The following ZNF277 variants were observed in gnomAD, a reference collection of about 807,000 sequenced individuals.
The protein encoded by ZNF277 is zinc finger protein 277, also known as nuclear receptor-interacting factor 4.
Under a neutral mutation model 60.7 loss-of-function variants are expected in ZNF277, and 55 were observed. That is an observed-to-expected ratio of 0.91 (90% CI 0.73 to 1.13). ZNF277 has a LOEUF of 1.13. Among genes scored for constraint, ZNF277 ranks in the 50% most tolerant of loss-of-function variants. The probability of loss-of-function intolerance (pLI) is 0.00; values close to 1 mark genes in which losing one functional copy is unlikely to be tolerated. For missense variants in ZNF277, 510 were observed against 523.0 expected (o/e 0.98, Z 0.24); for synonymous variants, 178 against 179.3 (o/e 0.99, Z 0.06).
At chr7:112,246,370 G>A (rs762761074) in intron 1 of ZNF277, among the ~76,000 whole-genome samples, 4 of 152,094 alleles carry the variant, frequency 2.6e-5, no homozygotes, top group Non-Finnish European at 5.9e-5. Context: ...CTCCAGCCTC[G>A]CGACAGAGCA....
intron 6 of ZNF277, among the ~76,000 whole-genome samples, chr7:112,329,231 G>T (rs936338916): frequency 6.6e-6 from 1 of 152,096 alleles, no homozygotes; most frequent in Admixed American, 6.5e-5. Context: ...AGTTTCCCAT[G>T]TAAAATATAT....
At chr7:112,288,513 G>C (rs1450628903) in intron 2 of ZNF277, 2 of 152,174 alleles carry the variant, frequency 1.3e-5, no homozygotes, top group Non-Finnish European at 2.9e-5. Flanking sequence ...TCCTAATCTT[G>C]TGATTTCCTG....
intron 4 of ZNF277, among the ~76,000 whole-genome samples, chr7:112,307,132 T>C (rs948663530): frequency 6.6e-6 from 1 of 152,136 alleles, no homozygotes; most frequent in African/African-American, 2.4e-5. Flanking sequence ...CTGTTCACCA[T>C]CAAAGGGCTT....
Position 112,342,623 on chromosome 7 carries a change from A to C in ZNF277, c.1247A>C (p.Asp416Ala). 6.2e-7 allele frequency: 1 copy of C among 1,613,300 alleles called. No individual in the cohort carries two copies. Among genetic ancestry groups the C allele is most frequent in the Non-Finnish European group, 8.5e-7 (1 of 1,179,864 alleles). ...TGTACACTATCTGACAGTGAAAGTG[A>C]CCTGACAGCTCAGGAACAAAATGAA... ...LLCTLSDSESDLTAQEQNENV... is the reference protein window; with the variant it reads ...LLCTLSDSESALTAQEQNENV... The change falls in exon 12 of 12, where the codon GAC becomes GCC. Residue 416 changes from aspartate (D) to alanine (A), a missense_variant. Coordinates refer to ENST00000361822, the MANE Select transcript of ZNF277 (RefSeq NM_021994.3).
At chr7:112,280,835 C>G (rs545118580) in intron 1 of ZNF277, among the ~76,000 whole-genome samples, 24 of 152,128 alleles carry the variant, frequency 1.6e-4, no homozygotes, top group Non-Finnish European at 2.2e-4. Context: ...ACCGTGTTGC[C>G]CAGGCTAGTC....
intron 1 of ZNF277, among the ~76,000 whole-genome samples, chr7:112,273,731 C>T (rs929848133): frequency 2.0e-5 from 3 of 152,034 alleles, no homozygotes; most frequent in African/African-American, 7.2e-5. Context: ...ACTCCAACCT[C>T]GGCAACAGAG....
chr7:112,256,769 G>A (rs1205490079), intron 1 of ZNF277, among the ~76,000 whole-genome samples: 1 of 152,108 alleles, frequency 6.6e-6, no homozygotes, highest in East Asian at 1.9e-4. Flanking sequence ...TAAAGCTGGG[G>A]AATGGGATAG....
At chr7:112,256,763 G>T (rs1444926091) in intron 1 of ZNF277, among the ~76,000 whole-genome samples, 1 of 152,090 alleles carries the variant, frequency 6.6e-6, no homozygotes, top group African/African-American at 2.4e-5. Flanking sequence ...ACAGTTTAAA[G>T]CTGGGGAATG....
At chr7:112,282,796 A>C (rs778310093) in intron 1 of ZNF277, among the ~76,000 whole-genome samples, 2 of 152,234 alleles carry the variant, frequency 1.3e-5, no homozygotes, top group Non-Finnish European at 2.9e-5. Flanking sequence ...AAGTGTAAGC[A>C]AGACTGGTTG....
intron 7 of ZNF277, among the ~76,000 whole-genome samples, chr7:112,333,886 A>C (rs1230229837): frequency 2.0e-5 from 3 of 152,210 alleles, no homozygotes. Flanking sequence ...TTTCACATTC[A>C]GATAACCCTT....
intron 1 of ZNF277, among the ~76,000 whole-genome samples, chr7:112,208,674 ATT>A (rs869082099): frequency 1.3e-3 from 92 of 72,790 alleles, no homozygotes; most frequent in African/African-American, 5.0e-3. Flanking sequence ...GTATGATTTG[ATT>A]TTTTTTTTTT....
chr7:112,237,015 A>G (rs1374201670), intron 1 of ZNF277, among the ~76,000 whole-genome samples: 1 of 152,174 alleles, frequency 6.6e-6, no homozygotes, highest in South Asian at 2.1e-4. Flanking sequence ...TTTGAAAATC[A>G]AGATCACATC....
intron 6 of ZNF277, among the ~76,000 whole-genome samples, chr7:112,328,035 A>G (rs1264318769): frequency 6.6e-6 from 1 of 152,234 alleles, no homozygotes; most frequent in African/African-American, 2.4e-5. Flanking sequence ...TATGTCATAT[A>G]TACCAAACAA....
intron 1 of ZNF277, among the ~76,000 whole-genome samples, chr7:112,230,290 G>A (rs569407617): frequency 2.6e-5 from 4 of 152,336 alleles, no homozygotes; most frequent in African/African-American, 9.6e-5. Flanking sequence ...CCGTACTAAT[G>A]TGAGAATGGA....
In ZNF277 at chr7:112,208,674, A is replaced by ATTTTTTTT. The variant is rs869082099; in HGVS notation, c.91+1884_91+1891dup. 6.4e-3 allele frequency among the ~76,000 whole-genome samples: 463 copies of ATTTTTTTT among 72,812 alleles called. 48 individuals are homozygous for ATTTTTTTT. The highest frequency in any genetic ancestry group is 0.015 in the African/African-American group (249 of 16,734). The allele number at this position is 72,812 out of a possible 152,430, so 47.8% of individuals were successfully genotyped here. A position where few individuals can be genotyped will look rare whatever the true frequency, so the allele number is the denominator to read the frequency against. ...ATATGACACACGTCTGTATGATTTG[A>ATTTTTTTT]TTTTTTTTTTTTTTTTTTTTTTTTG... On this transcript the variant is annotated intron_variant, in intron 1 of 11. Coordinates refer to ENST00000361822, the MANE Select transcript of ZNF277 (RefSeq NM_021994.3).
intron 1 of ZNF277, among the ~76,000 whole-genome samples, chr7:112,236,498 C>A (rs561365765): frequency 1.3e-5 from 2 of 151,986 alleles, no homozygotes; most frequent in African/African-American, 4.8e-5. Flanking sequence ...GTCAATAATC[C>A]CTCCTTTCAT....
At chr7:112,213,970 G>T (rs1172289917) in intron 1 of ZNF277, among the ~76,000 whole-genome samples, 2 of 152,168 alleles carry the variant, frequency 1.3e-5, no homozygotes, top group South Asian at 4.1e-4. Context: ...AATTGTGACT[G>T]TTATTTCAGT....
chr7:112,325,366 C>CACAGT, intron 5 of ZNF277, among the ~76,000 whole-genome samples: 1 of 152,278 alleles, frequency 6.6e-6, no homozygotes, highest in East Asian at 1.9e-4. Flanking sequence ...ACTGACTTTG[C>CACAGT]CTTCACTCAG....
Position 112,264,135 on chromosome 7 carries a change from G to C in ZNF277, c.92-22738G>C, listed in dbSNP as rs368385886. On this transcript the variant is annotated intron_variant, in intron 1 of 11. Coordinates refer to ENST00000361822, the MANE Select transcript of ZNF277 (RefSeq NM_021994.3). ...CCACAATGACCTTTTCTAAGCAAAA[G>C]TGTAGGCCAGGGCAATGGGTTTTGA... Among the ~76,000 whole-genome samples, 29 of 152,186 alleles carry C rather than the reference G, an allele frequency of 1.9e-4. 1 individual carries two copies. In the East Asian group the frequency reaches 3.1e-3, roughly 16 times the overall value.
Sources: allele counts gnomAD v4.1 joint callset (sites outside exome capture counted in the v4.1 genomes callset), GRCh38; gene constraint gnomAD v4.1.1; transcripts MANE v1.5; gene names NCBI Gene and HGNC (gene_info 2026-07-23, HGNC 2026-07-21).